Variants in ANO7 observed in about 807,000 individuals in gnomAD.
ANO7 encodes anoctamin-7.
In ANO7, 114 loss-of-function variants were observed where a neutral mutation model predicts 115.8. That is an observed-to-expected ratio of 0.98 (90% CI 0.85 to 1.15). The LOEUF is 1.15. Ranked by LOEUF, ANO7 falls within the 50% of genes most tolerant of loss-of-function variation. The pLI, the probability that ANO7 is intolerant of heterozygous loss-of-function variation, is 0.00. For synonymous variants in ANO7, 550 were observed against 498.2 expected, an observed-to-expected ratio of 1.10 and a Z score of -1.38; for missense variants, 1,302 against 1,201.2, an observed-to-expected ratio of 1.08 and a Z score of -1.24.
intron 11 of ANO7, among the ~76,000 whole-genome samples, chr2:241,208,945 C>T (rs184205664): frequency 1.2e-3 from 181 of 152,124 alleles, no homozygotes; most frequent in Non-Finnish European, 1.8e-3. Flanking sequence ...GTCAGAAGAT[C>T]GAGACCATCC....
rs78972598 is a variant in ANO7, at chr2:241,195,842, C to A, written c.306C>A (p.Asp102Glu). The A allele has an allele frequency of 1.4e-3, 2,277 of 1,614,156 alleles. 26 individuals are homozygous for A. In the African/African-American group the frequency reaches 0.026, roughly 18 times the overall value. Residue 102 changes from aspartate to glutamate, a missense_variant, in exon 4 of 25, where the codon GAC becomes GAA. Asp to Glu is a conservative substitution (Grantham distance 45). Transcript: ENST00000674324. ...DNLRAAGLCV[D>E]QQDVQDGNTT... ...TTCGTGCGGCTGGGCTGTGTGTAGA[C>A]CAGGTACGTGGAGGCTGTCATGGGC...
downstream of ANO7, chr2:241,229,570 A>C: frequency 6.5e-7 from 1 of 1,544,958 alleles, no homozygotes; most frequent in Non-Finnish European, 8.9e-7. Flanking sequence ...TTGGGTCAGC[A>C]GGCTGGAGAG....
intron 4 of ANO7, among the ~76,000 whole-genome samples, chr2:241,198,232 C>G (rs2068389078): frequency 6.6e-6 from 1 of 152,158 alleles, no homozygotes; most frequent in African/African-American, 2.4e-5. Context: ...GCCACATCAC[C>G]CCACCCCAGG....
chr2:241,204,964 T>G lies in ANO7; in HGVS notation c.980+9T>G. ...TTCTCAGACATACCCACGTGAGTGT[T>G]CCCTCTCCGCAGCTCTGGGGCCTGG... On this transcript the variant is annotated intron_variant, in intron 10 of 24. Transcript: ENST00000674324. The G allele has an allele frequency of 6.2e-7, 1 of 1,613,414 alleles. No homozygotes were observed. The highest frequency in any genetic ancestry group is 8.5e-7 in the Non-Finnish European group (1 of 1,179,454).
At chr2:241,234,985 C>T in the ANO7 span, 1 of 1,020,096 alleles carries the variant, frequency 9.8e-7, no homozygotes, top group Non-Finnish European at 1.4e-6. Context: ...TGACTGCGTC[C>T]TGGCACTGCC....
rs778589630 is a variant in ANO7 at position 241,203,005 on chromosome 2, C to T, written c.724-328C>T. On this transcript the variant is annotated intron_variant, in intron 8 of 24. Coordinates refer to ENST00000674324, the MANE Select transcript of ANO7 (RefSeq NM_001370694.2). The surrounding 1 kb of genome is among the most constrained non-coding windows in gnomAD (Gnocchi z 4.8). ...CAGAATGCACAGCACAGGACACGAG[C>T]CTGGGGACTCTCCAACCCAGAGAAG... Among the ~76,000 whole-genome samples, 7 of 152,182 alleles carry T rather than the reference C, an allele frequency of 4.6e-5. No homozygotes were observed. Among genetic ancestry groups the T allele is most frequent in the Non-Finnish European group, 7.4e-5 (5 of 68,004 alleles).
chr2:241,235,480 A>G, the ANO7 span: 2 of 1,606,170 alleles, frequency 1.2e-6, no homozygotes, highest in Non-Finnish European at 1.7e-6. Flanking sequence ...CTCCCGGGAA[A>G]GGGGTCTACC....
chr2:241,214,695 G>C (rs1436958653), intron 17 of ANO7, 110 bp from the exon 18 acceptor site: 1 of 950,264 alleles, frequency 1.1e-6, no homozygotes, highest in Non-Finnish European at 1.6e-6. Flanking sequence ...CCCAAGGCAT[G>C]TCAGGAGGGA....
At chr2:241,199,108 A>T in intron 4 of ANO7, 1 of 548,006 alleles carries the variant, frequency 1.8e-6, no homozygotes. Flanking sequence ...GCTGGGGCCG[A>T]CTCCCAAACG....
chr2:241,195,352 G>A (rs934400719), intron 3 of ANO7, among the ~76,000 whole-genome samples: 4 of 152,310 alleles, frequency 2.6e-5, no homozygotes, highest in Non-Finnish European at 2.9e-5. Flanking sequence ...ATGGCAGGAC[G>A]GGAAGTCTGA....
the ANO7 span, among the ~76,000 whole-genome samples, chr2:241,233,168 C>G: frequency 9.2e-5 from 14 of 152,288 alleles, no homozygotes; most frequent in South Asian, 1.7e-3. The surrounding 1 kb of genome is among the most constrained non-coding windows in gnomAD (Gnocchi z 4.3). Context: ...GCCTAGGAAG[C>G]AGACACCCCA....
At chr2:241,226,101 C>T (rs950509836), downstream of ANO7, among the ~76,000 whole-genome samples, 16 of 152,072 alleles carry the variant, frequency 1.1e-4, no homozygotes, top group African/African-American at 3.9e-4. Flanking sequence ...GTGGAAGCTC[C>T]CCGATGCCCA....
the ANO7 span, among the ~76,000 whole-genome samples, chr2:241,234,695 G>A: frequency 6.6e-6 from 1 of 152,222 alleles, no homozygotes; most frequent in Admixed American, 6.5e-5. Context: ...AGCCTTGCCA[G>A]AGGTTGGGGG....
chr2:241,230,549 T>C (rs1017280870), downstream of ANO7, among the ~76,000 whole-genome samples: 6 of 152,208 alleles, frequency 3.9e-5, no homozygotes, highest in African/African-American at 1.4e-4. The surrounding 1 kb of genome is among the most constrained non-coding windows in gnomAD (Gnocchi z 5.0). Flanking sequence ...GTCAAGGAGA[T>C]GCCCTCCTAA....
At chr2:241,231,245 G>A in the ANO7 span, 12 of 275,404 alleles carry the variant, frequency 4.4e-5, no homozygotes, top group African/African-American at 2.4e-4. Context: ...TTAGCCGGGC[G>A]TGGTGGTGCA....
chr2:241,230,694 T>C (rs113110472), downstream of ANO7: 2 of 1,442,472 alleles, frequency 1.4e-6, no homozygotes, highest in Non-Finnish European at 1.9e-6. The surrounding 1 kb of genome is among the most constrained non-coding windows in gnomAD (Gnocchi z 5.0). Context: ...CTGCTCTTTC[T>C]TCTGGCCAGC....
At position 241,211,974 on chromosome 2, in the gene ANO7, T is replaced by C. The variant is rs1354662687; in HGVS notation, c.1562-120T>C. ...TCACACTTTGTCTCCTTCTTTTAAATATCTGGATGATATGGCCTTTTCCTC... is the reference window on the plus strand; with the variant it reads ...TCACACTTTGTCTCCTTCTTTTAAACATCTGGATGATATGGCCTTTTCCTC... On this transcript the variant is annotated intron_variant, in intron 15 of 24. Coordinates refer to ENST00000674324, the MANE Select transcript of ANO7 (RefSeq NM_001370694.2). 9 of 681,210 alleles carry C rather than the reference T, an allele frequency of 1.3e-5. No homozygotes were observed. In the Admixed American group the frequency reaches 2.3e-4, roughly 17 times the overall value. 42.2% of individuals were successfully genotyped at this position (681,210 alleles called of 1,614,324 possible).
chr2:241,212,235 G>A, intron 16 of ANO7, 30 bp downstream of exon 16: 1 of 1,559,524 alleles, frequency 6.4e-7, no homozygotes, highest in Non-Finnish European at 8.8e-7. Flanking sequence ...TCTGGCCACA[G>A]CTTGTCCCGG....
chr2:241,226,458 T>A (rs2069173952), downstream of ANO7, among the ~76,000 whole-genome samples: 1 of 151,510 alleles, frequency 6.6e-6, no homozygotes, highest in Admixed American at 6.6e-5. Context: ...GGAGTCTCGC[T>A]CTGTCACCCA....
Sources: allele counts gnomAD v4.1 joint callset (sites outside exome capture counted in the v4.1 genomes callset), GRCh38; gene constraint gnomAD v4.1.1; non-coding constraint Gnocchi (gnomAD v3.1); transcripts MANE v1.5; gene names NCBI Gene and HGNC (gene_info 2026-07-23, HGNC 2026-07-21).